The following GRM8 variants were observed in gnomAD, a reference collection of about 807,000 sequenced individuals.
GRM8 encodes the protein metabotropic glutamate receptor 8.
GRM8 carries 47 observed loss-of-function variants against 87.2 expected under a neutral mutation model. The ratio of observed to expected loss-of-function variants is 0.54; its 90% confidence interval spans 0.43 to 0.69. GRM8 has a LOEUF of 0.69. Among genes scored for constraint, GRM8 ranks in the 30% least tolerant of loss-of-function variants. The pLI is 0.00. For synonymous variants in GRM8, 396 were observed against 404.5 expected (o/e 0.98, Z 0.25); for missense variants, 1,019 against 1,139.2 (o/e 0.89, Z 1.52).
chr7:126,834,998 C>A (rs1238049562), intron 6 of GRM8, among the ~76,000 whole-genome samples: 1 of 151,538 alleles, frequency 6.6e-6, no homozygotes, highest in East Asian at 1.9e-4. Flanking sequence ...ATTGCTTGAG[C>A]CCAGGAGGTT....
intron 9 of GRM8, among the ~76,000 whole-genome samples, chr7:126,501,905 C>T (rs1809707040): frequency 6.6e-6 from 1 of 151,956 alleles, no homozygotes; most frequent in African/African-American, 2.4e-5. Flanking sequence ...GGCAGGGTGC[C>T]TATTACAGAA....
At chr7:127,028,763 G>C (rs1817063144) in intron 3 of GRM8, among the ~76,000 whole-genome samples, 1 of 151,756 alleles carries the variant, frequency 6.6e-6, no homozygotes, top group Non-Finnish European at 1.5e-5. Flanking sequence ...CAATTTTGTT[G>C]ATCTTTTCAA....
rs191526020 is a variant in GRM8 at position 126,586,769 on chromosome 7, G to A, written c.1494+22593C>T. Among the ~76,000 whole-genome samples the A allele has an allele frequency of 7.6e-4, 115 of 152,178 alleles. 2 individuals carry two copies. Among genetic ancestry groups the A allele is most frequent in the African/African-American group, 2.6e-3 (108 of 41,508 alleles). On this transcript the variant is annotated intron_variant, in intron 8 of 10. Transcript: ENST00000339582. ...CAATACCATTCAGGACATAGGCATG[G>A]GCAAGGACTTCATGTCTAAAACACC... is the stretch of plus-strand genomic sequence containing the variant.
intron 6 of GRM8, among the ~76,000 whole-genome samples, chr7:126,897,779 A>T (rs1297939674): frequency 6.6e-6 from 1 of 152,162 alleles, no homozygotes; most frequent in Non-Finnish European, 1.5e-5. Context: ...GGTAGGAATT[A>T]CCTCACTTGG....
chr7:126,620,225 T>C (rs1799973218), intron 7 of GRM8, among the ~76,000 whole-genome samples: 1 of 152,116 alleles, frequency 6.6e-6, no homozygotes. Flanking sequence ...GAGCTTGAGG[T>C]TACAGTGAAC....
intron 7 of GRM8, among the ~76,000 whole-genome samples, chr7:126,746,377 C>A (rs1002871112): frequency 1.6e-4 from 24 of 151,590 alleles, no homozygotes; most frequent in Non-Finnish European, 3.0e-4. Flanking sequence ...CCAGGAAATT[C>A]ATCCATGGTT....
intron 6 of GRM8, among the ~76,000 whole-genome samples, chr7:126,799,315 C>G (rs1461405128): frequency 6.6e-6 from 1 of 152,020 alleles, no homozygotes; most frequent in South Asian, 2.1e-4. Flanking sequence ...ACTGAAGGCA[C>G]GCTCAGGAAT....
At chr7:126,844,934 T>A (rs746505700) in intron 6 of GRM8, among the ~76,000 whole-genome samples, 2 of 152,340 alleles carry the variant, frequency 1.3e-5, no homozygotes, top group Non-Finnish European at 2.9e-5. Context: ...ATGAACTTAT[T>A]TGTGAGAGAG....
intron 7 of GRM8, among the ~76,000 whole-genome samples, chr7:126,720,645 G>A (rs1159700733): frequency 2.0e-5 from 3 of 152,072 alleles, no homozygotes; most frequent in African/African-American, 7.2e-5. Flanking sequence ...ACAATTCCAA[G>A]ATTCATAATT....
At chr7:127,166,254 C>T (rs1793444697) in intron 2 of GRM8, among the ~76,000 whole-genome samples, 1 of 152,124 alleles carries the variant, frequency 6.6e-6, no homozygotes, top group South Asian at 2.1e-4. Flanking sequence ...TTCCTCTTTA[C>T]CTCCTGCTTC....
chr7:126,939,969 G>T (rs1806735497), intron 3 of GRM8, among the ~76,000 whole-genome samples: 1 of 152,178 alleles, frequency 6.6e-6, no homozygotes, highest in Non-Finnish European at 1.5e-5. Flanking sequence ...AAGTATATCT[G>T]CAAAGAAAAT....
chr7:127,180,390 C>T (rs535632505), intron 2 of GRM8, among the ~76,000 whole-genome samples: 20 of 151,956 alleles, frequency 1.3e-4, no homozygotes, highest in South Asian at 2.1e-4. Context: ...CGGGACCAGA[C>T]GGATTCACAG....
In GRM8 at chr7:127,242,882, C is replaced by G. The variant is rs954034986; in HGVS notation, c.323G>C (p.Arg108Thr). 12 of 1,613,816 alleles carry G rather than the reference C, an allele frequency of 7.4e-6. No individual in the cohort carries two copies. The highest frequency in any genetic ancestry group is 1.0e-5 in the Non-Finnish European group (12 of 1,179,874). ...LGVRILDTCS[R>T]DTYALEQSLT... Reference sequence around the variant, plus strand: ...AGACTGCTCCAAAGCATAGGTGTCCCTAGAGCACGTGTCGAGGATGCGGAC... The same window carrying G: ...AGACTGCTCCAAAGCATAGGTGTCCGTAGAGCACGTGTCGAGGATGCGGAC... Residue 108 changes from arginine to threonine, a missense_variant, in exon 2 of 11, where the codon AGG becomes ACG. By Grantham distance (71) the Arg-to-Thr change is moderately conservative. Coordinates refer to ENST00000339582, the MANE Select transcript of GRM8 (RefSeq NM_000845.3).
intron 2 of GRM8, among the ~76,000 whole-genome samples, chr7:127,122,197 C>A (rs532809927): frequency 6.6e-6 from 1 of 152,222 alleles, no homozygotes; most frequent in South Asian, 2.1e-4. Flanking sequence ...TGCTTACTAG[C>A]GACAGTAAAA....
At chr7:127,119,559 A>G (rs1036021916) in intron 2 of GRM8, among the ~76,000 whole-genome samples, 1 of 152,074 alleles carries the variant, frequency 6.6e-6, no homozygotes, top group African/African-American at 2.4e-5. Flanking sequence ...AAAAAAGAAA[A>G]GAAAAGGTAG....
chr7:126,971,466 A>G (rs1377952171), intron 3 of GRM8, among the ~76,000 whole-genome samples: 3 of 152,196 alleles, frequency 2.0e-5, no homozygotes, highest in African/African-American at 7.2e-5. Context: ...ATTCATATAC[A>G]TCTCACTGAA....
chr7:126,778,250 A>G (rs1399738366), intron 6 of GRM8, among the ~76,000 whole-genome samples: 1 of 152,184 alleles, frequency 6.6e-6, no homozygotes, highest in Non-Finnish European at 1.5e-5. Flanking sequence ...TAGCTGCCTG[A>G]GGACACATGA....
chr7:127,106,426 C>T (rs1041205249), intron 3 of GRM8, 70 bp downstream of exon 3: 8 of 1,187,296 alleles, frequency 6.7e-6, no homozygotes, highest in Non-Finnish European at 1.0e-5. Context: ...GATAAGAGAG[C>T]ACTTGGAGAT....
intron 6 of GRM8, among the ~76,000 whole-genome samples, chr7:126,888,407 G>A (rs552611228): frequency 2.6e-4 from 39 of 152,180 alleles, no homozygotes; most frequent in African/African-American, 8.4e-4. Flanking sequence ...CAGAGAAACC[G>A]AAATGTTTCT....
Sources: gnomAD v4.1 joint callset for allele counts (sites outside exome capture counted in the v4.1 genomes callset) on GRCh38, gnomAD v4.1.1 for gene constraint, MANE v1.5 for transcripts, NCBI Gene and HGNC (gene_info 2026-07-23, HGNC 2026-07-21) for gene names.